The following XXYLT1 variants were observed in gnomAD, a reference collection of about 807,000 sequenced individuals.
XXYLT1 encodes the protein UDP-xylose:alpha-xyloside alpha-1,3-xylosyltransferase.
XXYLT1 carries 20 observed loss-of-function variants against 28.9 expected under a neutral mutation model. The ratio of observed to expected loss-of-function variants is 0.69; its 90% CI spans 0.49 to 1.00. XXYLT1 has a LOEUF of 1.00. XXYLT1 is among the 50% of genes least tolerant of loss of function. The pLI, the probability that XXYLT1 is intolerant of heterozygous loss-of-function variation, is 0.00. For missense variants in XXYLT1, 542 were observed against 560.1 expected (o/e 0.97, Z 0.33); for synonymous variants, 257 against 253.8 (o/e 1.01, Z -0.12).
chr3:195,130,187 T>G lies in XXYLT1; in HGVS notation c.785+26262A>C, dbSNP rs147968947. Among the ~76,000 whole-genome samples, 18 of 152,346 alleles carry G rather than the reference T, an allele frequency of 1.2e-4. No homozygotes were observed. The East Asian group carries it at 3.5e-3, about 29-fold the overall frequency. On this transcript the variant is annotated intron_variant, in intron 3 of 3. Transcript: ENST00000310380. ...AGTTGCCAGGATTTCCTGGTAGATC[T>G]GTGGTCCCTCTCTGAGGACCCTCAG...
intron 3 of XXYLT1, among the ~76,000 whole-genome samples, chr3:195,114,038 G>A (rs923652721): frequency 4.6e-5 from 7 of 152,212 alleles, no homozygotes; most frequent in Non-Finnish European, 7.3e-5. Context: ...TGGCTAGAGC[G>A]TACTGAGTCA....
rs2642391 is a variant in XXYLT1, at chr3:195,076,981, A to C, written c.786-6870T>G. 0.24 allele frequency among the ~76,000 whole-genome samples: 35,833 copies of C among 152,086 alleles called. 5,205 individuals carry two copies. Among genetic ancestry groups the C allele is most frequent in the East Asian group, 0.49 (2,528 of 5,168 alleles). ...GATTTCTGCAGAGGAATTCTGAGGGACACACTTCAACCCACAGCACTCTCC... is the reference window on the plus strand; with the variant it reads ...GATTTCTGCAGAGGAATTCTGAGGGCCACACTTCAACCCACAGCACTCTCC... On this transcript the variant is annotated intron_variant, in intron 3 of 3. Coordinates refer to ENST00000310380, the MANE Select transcript of XXYLT1 (RefSeq NM_152531.5). The surrounding 1 kb of genome is among the most constrained non-coding windows in gnomAD (Gnocchi z 5.3).
intron 3 of XXYLT1, among the ~76,000 whole-genome samples, chr3:195,102,628 C>T (rs530867538): frequency 6.6e-6 from 1 of 152,198 alleles, no homozygotes; most frequent in South Asian, 2.1e-4. Context: ...GGTATGACTC[C>T]TTCTTTTTAA....
chr3:195,184,867 A>G, intron 2 of XXYLT1: 3 of 965,242 alleles, frequency 3.1e-6, no homozygotes, highest in Non-Finnish European at 3.7e-6. Flanking sequence ...AAAATGGTCT[A>G]CATTCAAATG....
At position 195,072,021 on chromosome 3, in the gene XXYLT1, A is replaced by G. The variant is rs1714845649; in HGVS notation, c.786-1910T>C. On this transcript the variant is annotated intron_variant, in intron 3 of 3. Coordinates refer to ENST00000310380, the MANE Select transcript of XXYLT1 (RefSeq NM_152531.5). The stretch of plus-strand genomic sequence containing the variant: ...ACGTGTCCATCTTTCTTTACTGTCC[A>G]GAGTACCCAGGAGGGAGAGGACTCA... Among the ~76,000 whole-genome samples, 4 of 152,290 alleles carry G rather than the reference A, an allele frequency of 2.6e-5. No individual in the cohort carries two copies. The South Asian group carries it at 8.3e-4, about 32-fold the overall frequency.
At chr3:195,252,725 C>CAG (rs1366490007) in intron 1 of XXYLT1, among the ~76,000 whole-genome samples, 12 of 129,134 alleles carry the variant, frequency 9.3e-5, no homozygotes, top group South Asian at 6.8e-4. Flanking sequence ...CACACACACA[C>CAG]ACAGAGAGAG....
intron 2 of XXYLT1, among the ~76,000 whole-genome samples, chr3:195,174,127 G>T (rs1721543867): frequency 1.3e-5 from 2 of 152,144 alleles, no homozygotes; most frequent in Non-Finnish European, 2.9e-5. Flanking sequence ...CCAGCCTCCT[G>T]CCAGCCTTGC....
intron 3 of XXYLT1, chr3:195,148,046 G>A (rs926878350): frequency 5.9e-5 from 9 of 152,204 alleles, no homozygotes; most frequent in African/African-American, 9.6e-5. Context: ...CCCGCTATGC[G>A]CCCGAGTCTT....
rs74550363 is a variant in XXYLT1 at position 195,115,820 on chromosome 3, C to T, written c.785+40629G>A. 0.029 allele frequency among the ~76,000 whole-genome samples: 4,456 copies of T among 152,110 alleles called. 108 individuals are homozygous for T. Among genetic ancestry groups the T allele is most frequent in the Middle Eastern group, 0.11 (32 of 294 alleles). On this transcript the variant is annotated intron_variant, in intron 3 of 3. Coordinates refer to ENST00000310380, the MANE Select transcript of XXYLT1 (RefSeq NM_152531.5). The surrounding 1 kb of genome is among the most constrained non-coding windows in gnomAD (Gnocchi z 4.2). ...TAACTAACAGTGCTTTGTCAGAGGG[C>T]GAGAGGGTCTGATGGGGGCAGCTCT...
intron 3 of XXYLT1, among the ~76,000 whole-genome samples, chr3:195,111,227 G>A (rs1290395815): frequency 6.6e-6 from 1 of 152,222 alleles, no homozygotes; most frequent in East Asian, 1.9e-4. Flanking sequence ...CTGTGTGTGT[G>A]TGTCTGTGCC....
chr3:195,196,634 C>T (rs1560146788), intron 2 of XXYLT1, among the ~76,000 whole-genome samples: 1 of 152,214 alleles, frequency 6.6e-6, no homozygotes, highest in Non-Finnish European at 1.5e-5. Flanking sequence ...AGGCCTCTGC[C>T]TTCTCTGTTT....
At position 195,270,579 on chromosome 3, in the gene XXYLT1, C is replaced by T; in HGVS notation, c.480G>A (p.Pro160=). The T allele has an allele frequency of 1.4e-6, 2 of 1,383,918 alleles. No homozygotes were observed. Among genetic ancestry groups the T allele is most frequent in the Non-Finnish European group, 1.9e-6 (2 of 1,071,574 alleles). The allele number at this position is 1,383,918 out of a possible 1,614,324, so 85.7% of individuals were successfully genotyped here. A position where few individuals can be genotyped will look rare whatever the true frequency, so the allele number is the denominator to read the frequency against. The change falls in exon 1 of 4, where the codon CCG becomes CCA. Residue 160 remains proline (P), a synonymous_variant. Transcript: ENST00000310380. ...CCTTGCACTTGAAGCCAGCGGCGGG[C>T]GGCAGGAGCTCCCGCAGCAGGCCCT... ...VAKGLLRELL[P]PAAGFKCKVI...
chr3:195,094,903 C>T (rs1716337725), intron 3 of XXYLT1, among the ~76,000 whole-genome samples: 1 of 152,226 alleles, frequency 6.6e-6, no homozygotes, highest in South Asian at 2.1e-4. Flanking sequence ...TCAGCTAACC[C>T]CACTGGCCTC....
chr3:195,175,681 T>A (rs1354455851), intron 2 of XXYLT1: 1 of 1,536,160 alleles, frequency 6.5e-7, no homozygotes, highest in Non-Finnish European at 8.7e-7. Flanking sequence ...CATGACTAGC[T>A]CCTGGCTGAT....
intron 2 of XXYLT1, among the ~76,000 whole-genome samples, chr3:195,196,220 T>G (rs1722618495): frequency 1.3e-5 from 2 of 150,834 alleles, no homozygotes; most frequent in Admixed American, 6.6e-5. Flanking sequence ...TTTTCTTTAC[T>G]TTTAATTAAT....
At chr3:195,225,533 T>C (rs1260645115) in intron 2 of XXYLT1, among the ~76,000 whole-genome samples, 1 of 152,192 alleles carries the variant, frequency 6.6e-6, no homozygotes, top group African/African-American at 2.4e-5. Context: ...AGGACCTGCC[T>C]GGTCTGGAAA....
intron 2 of XXYLT1, chr3:195,207,640 C>T: frequency 3.8e-6 from 1 of 262,524 alleles, no homozygotes; most frequent in Non-Finnish European, 7.8e-6. Context: ...CCTACTGCTG[C>T]ATAACAAGTT....
intron 2 of XXYLT1, chr3:195,175,730 T>C (rs1313453351): frequency 3.3e-6 from 5 of 1,535,294 alleles, no homozygotes; most frequent in South Asian, 1.2e-5. Flanking sequence ...CTCTGGACTG[T>C]AGCAGTGAGA....
At chr3:195,185,085 AGAAGGAAGGAAGGAAGGAAGGAAGGAAG>A (rs10575198) in intron 2 of XXYLT1, among the ~76,000 whole-genome samples, 381 of 100,990 alleles carry the variant, frequency 3.8e-3, no homozygotes, top group East Asian at 9.7e-3. Context: ...GAAAGAAGGA[AGAAGGAAGGAAGGAAGGAAGGAAGGAAG>A]GAAGGAAGGA....
Sources: gnomAD v4.1 joint callset for allele counts (sites outside exome capture counted in the v4.1 genomes callset) on GRCh38, gnomAD v4.1.1 for gene constraint, Gnocchi (gnomAD v3.1) non-coding constraint, MANE v1.5 for transcripts, NCBI Gene and HGNC (gene_info 2026-07-23, HGNC 2026-07-21) for gene names.